The following GFRA2 variants were observed in gnomAD, a reference collection of about 807,000 sequenced individuals.
GFRA2 encodes GDNF family receptor alpha-2.
In GFRA2, 17 loss-of-function variants were observed where a neutral mutation model predicts 48.3. The observed-to-expected ratio is 0.35, with a 90% CI of 0.24 to 0.53. The LOEUF (loss-of-function observed/expected upper bound fraction) is 0.53. Ranked by LOEUF, GFRA2 falls within the 20% of genes least tolerant of loss-of-function variation. GFRA2 has a pLI of 0.93. For synonymous variants in GFRA2, 305 were observed against 257.2 expected, an observed-to-expected ratio of 1.19 and a Z score of -1.78; for missense variants, 660 against 637.3, an observed-to-expected ratio of 1.04 and a Z score of -0.38.
rs1311391238 is a variant in GFRA2 at position 21,750,699 on chromosome 8, G to A, written c.683C>T (p.Ala228Val). 8 of 1,613,894 alleles carry A rather than the reference G, an allele frequency of 5.0e-6. No homozygotes were observed. Among genetic ancestry groups the A allele is most frequent in the Admixed American group, 3.3e-5 (2 of 60,030 alleles). The part of the protein sequence containing the change: ...RMLFCSCQDQ[A>V]CAERRRQTIL... ...GGTTTGCCGGCGGCGCTCAGCGCAC[G>A]CCTGGTCTTGGCAGGAGCAGAAGAG... Residue 228 changes from alanine to valine, a missense_variant, in exon 4 of 9, where the codon GCG becomes GTG. Physicochemically the swap from Ala to Val is moderately conservative, Grantham distance 64. Coordinates refer to ENST00000524240, the MANE Select transcript of GFRA2 (RefSeq NM_001495.5). This position sits in a 1 kb window ranked among gnomAD's most constrained non-coding sequence, Gnocchi z 5.7.
chr8:21,712,754 C>T (rs1316304204), intron 4 of GFRA2, among the ~76,000 whole-genome samples: 3 of 152,380 alleles, frequency 2.0e-5, no homozygotes, highest in South Asian at 4.1e-4. Flanking sequence ...TCTGCAATCA[C>T]GGCACCTCGG....
Position 21,694,502 on chromosome 8 carries a change from C to T in GFRA2, c.1234G>A (p.Ala412Thr), listed in dbSNP as rs1233667007. ...CTSVQEQGLK[A>T]NNSKELSMCF... ...ATGCTTAACTCTTTGGAGTTGTTGG[C>T]CTTCAGCCCCTGCTCCTGCGAGAGA... is the stretch of plus-strand genomic sequence containing the variant. Residue 412 changes from alanine (A) to threonine (T), a missense_variant, in exon 8 of 9, where the codon GCC (alanine) becomes ACC (threonine). Ala to Thr is a moderately conservative substitution (Grantham distance 58, BLOSUM62 0). Transcript: ENST00000524240. 1 of 1,611,402 alleles carries T rather than the reference C, an allele frequency of 6.2e-7. No individual in the cohort carries two copies. Among genetic ancestry groups the T allele is most frequent in the Non-Finnish European group, 8.5e-7 (1 of 1,179,108 alleles).
At chr8:21,780,540 A>T (rs1806930634) in intron 2 of GFRA2, among the ~76,000 whole-genome samples, 1 of 151,542 alleles carries the variant, frequency 6.6e-6, no homozygotes, top group East Asian at 1.9e-4. Flanking sequence ...CCTGGTTTCT[A>T]CCTGCAGGCT....
At chr8:21,725,372 A>G (rs1803814870) in intron 4 of GFRA2, among the ~76,000 whole-genome samples, 1 of 152,256 alleles carries the variant, frequency 6.6e-6, no homozygotes, top group South Asian at 2.1e-4. Flanking sequence ...AGGCCAGGGC[A>G]GAAGCCCTTT....
intron 2 of GFRA2, among the ~76,000 whole-genome samples, chr8:21,794,095 C>T (rs1166274134): frequency 1.3e-5 from 2 of 151,984 alleles, no homozygotes; most frequent in Non-Finnish European, 2.9e-5. Context: ...CTCAAGTGAT[C>T]CTCCTGCCTC....
chr8:21,792,753 A>G (rs1807597631), upstream of GFRA2, among the ~76,000 whole-genome samples: 1 of 152,192 alleles, frequency 6.6e-6, no homozygotes, highest in East Asian at 1.9e-4. Flanking sequence ...CAGCAGAGGC[A>G]AGAGCACAGT....
chr8:21,730,953 C>T (rs1285876859), intron 4 of GFRA2, among the ~76,000 whole-genome samples: 4 of 152,128 alleles, frequency 2.6e-5, no homozygotes, highest in South Asian at 2.1e-4. Flanking sequence ...GTTTCCACAG[C>T]GAGACGAGGT....
chr8:21,749,251 A>T (rs1181861864), intron 4 of GFRA2, among the ~76,000 whole-genome samples: 1 of 152,148 alleles, frequency 6.6e-6, no homozygotes, highest in Non-Finnish European at 1.5e-5. Flanking sequence ...AAAAAAAAAA[A>T]AAACTACCTT....
chr8:21,792,309 G>C (rs1807586824), upstream of GFRA2, among the ~76,000 whole-genome samples: 1 of 152,198 alleles, frequency 6.6e-6, no homozygotes, highest in Non-Finnish European at 1.5e-5. Context: ...AAGGCTGAGG[G>C]TTCCCTGACC....
At chr8:21,792,983 C>A (rs1188490515), upstream of GFRA2, among the ~76,000 whole-genome samples, 10 of 152,128 alleles carry the variant, frequency 6.6e-5, no homozygotes, top group Admixed American at 4.6e-4. Flanking sequence ...AGGAGAACCA[C>A]GTGAACCTGG....
chr8:21,771,175 C>T (rs1806420410), intron 3 of GFRA2, among the ~76,000 whole-genome samples: 1 of 152,150 alleles, frequency 6.6e-6, no homozygotes, highest in African/African-American at 2.4e-5. Flanking sequence ...GGCACCACAG[C>T]TCAAAAAGGC....
chr8:21,756,997 G>C (rs1204548321), intron 3 of GFRA2, among the ~76,000 whole-genome samples: 4 of 152,104 alleles, frequency 2.6e-5, no homozygotes, highest in Non-Finnish European at 4.4e-5. Flanking sequence ...GAGGGAGGCG[G>C]GATTTAACAC....
At position 21,706,028 on chromosome 8, in the gene GFRA2, C is replaced by T. The variant is rs1451639689; in HGVS notation, c.808G>A (p.Asp270Asn). The T allele has an allele frequency of 1.4e-5, 22 of 1,568,504 alleles. No individual in the cohort carries two copies. Among genetic ancestry groups the T allele is most frequent in the South Asian group, 7.1e-5 (6 of 85,056 alleles). The change falls in exon 5 of 9, where the codon GAC becomes AAC. Residue 270 changes from aspartate (D) to asparagine (N), a missense_variant. Asp to Asn is a conservative substitution (Grantham distance 23). Transcript: ENST00000524240. The part of the protein sequence containing the change: ...TDHLCRSRLA[D>N]FHANCRASYQ... Reference sequence around the variant, plus strand: ...GAGGCTCGACAATTGGCATGGAAGTCGGCCAGCCGGGACCTGGTGGTGGGT... The same window carrying T: ...GAGGCTCGACAATTGGCATGGAAGTTGGCCAGCCGGGACCTGGTGGTGGGT...
chr8:21,809,190 T>C (rs1468223033), intron 1 of GFRA2, among the ~76,000 whole-genome samples: 1 of 152,148 alleles, frequency 6.6e-6, no homozygotes, highest in African/African-American at 2.4e-5. Context: ...TTTTTCCTGT[T>C]TGTCGCTGGC....
chr8:21,697,537 G>A (rs951032951), intron 7 of GFRA2, among the ~76,000 whole-genome samples: 2 of 152,098 alleles, frequency 1.3e-5, no homozygotes, highest in Non-Finnish European at 2.9e-5. Flanking sequence ...AGTGGCGGGA[G>A]GGGCAGAGAG....
At chr8:21,720,857 GT>G (rs1803559813) in intron 4 of GFRA2, among the ~76,000 whole-genome samples, 1 of 152,096 alleles carries the variant, frequency 6.6e-6, no homozygotes. Context: ...TTTCATATCT[GT>G]TTCTCCTATT....
intron 3 of GFRA2, among the ~76,000 whole-genome samples, chr8:21,764,871 T>C (rs1806080912): frequency 1.3e-5 from 2 of 152,206 alleles, no homozygotes; most frequent in Non-Finnish European, 2.9e-5. Context: ...CTAGCAAAGC[T>C]TGAAAGAGTA....
At chr8:21,700,770 A>C (rs546069272) in intron 7 of GFRA2, among the ~76,000 whole-genome samples, 2 of 152,142 alleles carry the variant, frequency 1.3e-5, no homozygotes, top group South Asian at 4.1e-4. Flanking sequence ...AGAGATCAGC[A>C]AAATAACCTT....
intron 1 of GFRA2, among the ~76,000 whole-genome samples, chr8:21,809,670 C>A (rs549056331): frequency 3.2e-4 from 49 of 152,202 alleles, no homozygotes; most frequent in African/African-American, 1.0e-3. Flanking sequence ...CTGTACCCCC[C>A]AGTTCCCTAC....
Sources: gnomAD v4.1 joint callset for allele counts (sites outside exome capture counted in the v4.1 genomes callset) on GRCh38, gnomAD v4.1.1 for gene constraint, Gnocchi (gnomAD v3.1) non-coding constraint, MANE v1.5 for transcripts, NCBI Gene and HGNC (gene_info 2026-07-23, HGNC 2026-07-21) for gene names.